Variants in CRACDL observed in about 807,000 individuals in gnomAD.
The protein encoded by CRACDL is CRACD-like protein.
CRACDL carries 26 observed loss-of-function variants against 70.6 expected under a neutral mutation model. That is an observed-to-expected ratio of 0.37 (90% CI 0.27 to 0.51). The LOEUF is 0.51. CRACDL is among the 20% of genes least tolerant of loss of function. The pLI is 0.94. For missense variants in CRACDL, 1,283 were observed against 1,376.9 expected (o/e 0.93, Z 1.08); for synonymous variants, 618 against 615.2 (o/e 1.00, Z -0.07).
chr2:98,935,727 C>G (rs972865602), intron 1 of CRACDL, among the ~76,000 whole-genome samples: 1 of 152,320 alleles, frequency 6.6e-6, no homozygotes, highest in African/African-American at 2.4e-5. Context: ...CTTGCACGAG[C>G]GCGTCCGGCT....
At chr2:98,796,291 C>T in intron 8 of CRACDL, 27 bp from the exon 9 acceptor site, 12 of 1,604,718 alleles carry the variant, frequency 7.5e-6, no homozygotes, top group Non-Finnish European at 1.0e-5. Context: ...CACATGCTGC[C>T]AAGTTAACAA....
rs67398751 is a variant in CRACDL at position 98,842,868 on chromosome 2, T to TTGTG, written c.70+3859_70+3862dup. Among the ~76,000 whole-genome samples the TTGTG allele has an allele frequency of 8.5e-3, 1,227 of 145,064 alleles. 4 individuals are homozygous for TTGTG. The highest frequency in any genetic ancestry group is 0.011 in the Admixed American group (164 of 14,538). ...GCAATTATAAATAAGTTGCTATAGT[T>TTGTG]TGTGTGTGTGTGTGTGTGTGTGTGT... is the stretch of plus-strand genomic sequence containing the variant. On this transcript the variant is annotated intron_variant, in intron 2 of 9. Coordinates refer to ENST00000397899, the MANE Select transcript of CRACDL (RefSeq NM_207362.3).
intron 1 of CRACDL, chr2:98,869,511 T>A (rs1025254265): frequency 1.1e-4 from 24 of 214,222 alleles, no homozygotes; most frequent in Admixed American, 5.5e-5. Context: ...TTGACTGTGC[T>A]CACCATGGAA....
At chr2:98,911,528 G>A (rs1015722530) in intron 1 of CRACDL, among the ~76,000 whole-genome samples, 4 of 152,178 alleles carry the variant, frequency 2.6e-5, no homozygotes, top group Admixed American at 2.0e-4. Context: ...CATCCAACAC[G>A]CGTTGTCCAA....
intron 1 of CRACDL, among the ~76,000 whole-genome samples, chr2:98,853,118 T>C (rs924177503): frequency 6.6e-6 from 1 of 152,088 alleles, no homozygotes; most frequent in African/African-American, 2.4e-5. Context: ...GTGGAAAAGA[T>C]AATGTTACAG....
rs754282547 is a variant in CRACDL at position 98,822,063 on chromosome 2, C to T, written c.2210G>A (p.Arg737Gln). 5.2e-6 allele frequency: 8 copies of T among 1,549,906 alleles called. No homozygotes were observed. Among genetic ancestry groups the T allele is most frequent in the Non-Finnish European group, 7.0e-6 (8 of 1,146,792 alleles). Reference sequence around the variant, plus strand: ...TTGGTCGCTGGGGGCCCTGGTGCCTCGAAGGGCGGGGGCCGTCCCGAGGGG... The same window carrying T: ...TTGGTCGCTGGGGGCCCTGGTGCCTTGAAGGGCGGGGGCCGTCCCGAGGGG... Reference protein sequence around the residue: ...KCPLGTAPALRGTRAPSDQGK... With the variant: ...KCPLGTAPALQGTRAPSDQGK... Residue 737 changes from arginine (R) to glutamine (Q), a missense_variant, in exon 7 of 10, where the codon CGA (arginine) becomes CAA (glutamine). By Grantham distance (43) the Arg-to-Gln change is conservative. Transcript: ENST00000397899. The surrounding 1 kb of genome is among the most constrained non-coding windows in gnomAD (Gnocchi z 4.9).
At chr2:98,931,488 G>C (rs1301704201) in intron 1 of CRACDL, among the ~76,000 whole-genome samples, 1 of 152,154 alleles carries the variant, frequency 6.6e-6, no homozygotes, top group African/African-American at 2.4e-5. Context: ...GCAGCTAATG[G>C]TTCTGGTGCT....
chr2:98,836,182 G>A (rs1254031371), intron 3 of CRACDL, among the ~76,000 whole-genome samples: 1 of 152,142 alleles, frequency 6.6e-6, no homozygotes, highest in African/African-American at 2.4e-5. Context: ...AAGCACAACC[G>A]CACAGACACA....
At chr2:98,921,790 C>T (rs906327720) in intron 1 of CRACDL, among the ~76,000 whole-genome samples, 1 of 152,134 alleles carries the variant, frequency 6.6e-6, no homozygotes, top group Admixed American at 6.5e-5. Flanking sequence ...TCCTCCTGCA[C>T]CCGTGCACAG....
At chr2:98,905,331 C>T (rs1472135634) in intron 1 of CRACDL, among the ~76,000 whole-genome samples, 1 of 152,112 alleles carries the variant, frequency 6.6e-6, no homozygotes, top group African/African-American at 2.4e-5. Context: ...TGCTGACTCC[C>T]TCTGCCTTCC....
At chr2:98,828,602 G>A (rs1705413322) in intron 5 of CRACDL, among the ~76,000 whole-genome samples, 1 of 152,190 alleles carries the variant, frequency 6.6e-6, no homozygotes, top group African/African-American at 2.4e-5. Flanking sequence ...GGTGAGATGG[G>A]CTTCGATACG....
At position 98,936,038 on chromosome 2, in the gene CRACDL, A is replaced by G. The variant is rs1335219387; in HGVS notation, c.-111T>C. ...GCTGCTCCCGCCGCGGTGCGCGTCT[A>G]GCCCCAGCCCAAAGCCGGGGCGACG... On this transcript the variant is annotated 5_prime_UTR_variant, in exon 1 of 10. Transcript: ENST00000397899. 2 of 151,964 alleles carry G rather than the reference A, an allele frequency of 1.3e-5. No individual in the cohort carries two copies. Among genetic ancestry groups the G allele is most frequent in the East Asian group, 3.9e-4 (2 of 5,158 alleles). 9.4% of individuals were successfully genotyped at this position (151,964 alleles called of 1,614,324 possible).
At chr2:98,921,137 C>A (rs6542845) in intron 1 of CRACDL, among the ~76,000 whole-genome samples, 2 of 152,070 alleles carry the variant, frequency 1.3e-5, no homozygotes, top group African/African-American at 4.8e-5. Context: ...GTGGGAGCCC[C>A]GTCTTGGAAA....
chr2:98,894,559 G>C (rs770019701), intron 1 of CRACDL, among the ~76,000 whole-genome samples: 6 of 152,320 alleles, frequency 3.9e-5, no homozygotes, highest in Non-Finnish European at 5.9e-5. Context: ...TGTGTAGTGA[G>C]AGAAGTGAGG....
chr2:98,856,416 C>T (rs532407422), intron 1 of CRACDL, among the ~76,000 whole-genome samples: 11 of 152,098 alleles, frequency 7.2e-5, no homozygotes, highest in Non-Finnish European at 1.2e-4. Context: ...AAAACAAAAA[C>T]TGAGATGATT....
intron 1 of CRACDL, among the ~76,000 whole-genome samples, chr2:98,874,982 A>AATGCCC: frequency 6.6e-6 from 1 of 152,182 alleles, no homozygotes; most frequent in African/African-American, 2.4e-5. Flanking sequence ...TGCCCCCGAC[A>AATGCCC]AGGCCTGCTA....
intron 2 of CRACDL, among the ~76,000 whole-genome samples, chr2:98,844,041 C>T (rs1044045777): frequency 2.0e-5 from 3 of 152,118 alleles, no homozygotes; most frequent in Non-Finnish European, 4.4e-5. Context: ...TCTCTGACTC[C>T]TCATGGAAAT....
intron 1 of CRACDL, among the ~76,000 whole-genome samples, chr2:98,915,032 C>T (rs1708634055): frequency 6.6e-6 from 1 of 152,224 alleles, no homozygotes; most frequent in African/African-American, 2.4e-5. Context: ...AGCCTCTGTT[C>T]ACAGTCACAG....
At chr2:98,875,202 C>A (rs1429146863) in intron 1 of CRACDL, among the ~76,000 whole-genome samples, 1 of 152,254 alleles carries the variant, frequency 6.6e-6, no homozygotes, top group Non-Finnish European at 1.5e-5. Context: ...CCCATGTACA[C>A]CACGAGTCAC....
Sources: gnomAD v4.1 joint callset for allele counts (sites outside exome capture counted in the v4.1 genomes callset) on GRCh38, gnomAD v4.1.1 for gene constraint, Gnocchi (gnomAD v3.1) non-coding constraint, MANE v1.5 for transcripts, NCBI Gene and HGNC (gene_info 2026-07-23, HGNC 2026-07-21) for gene names.